RXFP1: variants seen among roughly 807,000 people sequenced by gnomAD.
The protein encoded by RXFP1 is relaxin receptor 1.
RXFP1 carries 73 observed loss-of-function variants against 89.8 expected under a neutral mutation model. That is an observed-to-expected ratio of 0.81 (90% CI 0.67 to 0.99). The LOEUF (loss-of-function observed/expected upper bound fraction) is 0.99. Among genes scored for constraint, RXFP1 ranks in the 50% least tolerant of loss-of-function variants. RXFP1 has a pLI of 0.00. For synonymous variants in RXFP1, 277 were observed against 305.5 expected (o/e 0.91, Z 0.97); for missense variants, 793 against 895.5 (o/e 0.89, Z 1.46).
At chr4:158,545,486 GC>G (rs1331531354) in intron 1 of RXFP1, among the ~76,000 whole-genome samples, 1 of 152,080 alleles carries the variant, frequency 6.6e-6, no homozygotes, top group Non-Finnish European at 1.5e-5. Context: ...GTCTTTTGTT[GC>G]CATTGTTTTT....
intron 15 of RXFP1, 79 bp downstream of exon 15, chr4:158,645,217 G>A (rs1771279952): frequency 1.9e-6 from 2 of 1,071,112 alleles, no homozygotes; most frequent in Non-Finnish European, 2.8e-6. Context: ...AGTTGTGTGA[G>A]TGGTAGAATT....
chr4:158,604,462 GA>G (rs1292105878), intron 4 of RXFP1, among the ~76,000 whole-genome samples: 1 of 152,048 alleles, frequency 6.6e-6, no homozygotes, highest in Non-Finnish European at 1.5e-5. Flanking sequence ...AAAAATTAAG[GA>G]CTTGGGACCT....
chr4:158,583,133 C>T (rs912526239), intron 2 of RXFP1, among the ~76,000 whole-genome samples: 4 of 152,194 alleles, frequency 2.6e-5, no homozygotes, highest in Non-Finnish European at 4.4e-5. Context: ...ACTGGCTTGG[C>T]ACTTACTAAT....
At chr4:158,545,684 C>T (rs1301602244) in intron 1 of RXFP1, among the ~76,000 whole-genome samples, 1 of 152,140 alleles carries the variant, frequency 6.6e-6, no homozygotes, top group Non-Finnish European at 1.5e-5. Context: ...CCAGTTTTCC[C>T]AGCACCATTT....
intron 16 of RXFP1, among the ~76,000 whole-genome samples, 174 bp downstream of exon 16, chr4:158,647,375 C>G (rs963431964): frequency 6.6e-6 from 1 of 152,174 alleles, no homozygotes; most frequent in Non-Finnish European, 1.5e-5. Flanking sequence ...ACACTAAACA[C>G]CTGTATTTCA....
At chr4:158,621,490 G>T (rs369265699) in intron 9 of RXFP1, among the ~76,000 whole-genome samples, 31 of 152,180 alleles carry the variant, frequency 2.0e-4, no homozygotes, top group Admixed American at 8.5e-4. Flanking sequence ...AAAGAAAGAA[G>T]GTATAGTGCA....
chr4:158,555,676 C>A (rs1579576258), intron 1 of RXFP1, among the ~76,000 whole-genome samples: 4 of 152,184 alleles, frequency 2.6e-5, no homozygotes, highest in Admixed American at 2.6e-4. Flanking sequence ...CCACTCAATA[C>A]TTGTGTCTCA....
chr4:158,615,009 TTTG>T, intron 8 of RXFP1, among the ~76,000 whole-genome samples: 2 of 152,292 alleles, frequency 1.3e-5, no homozygotes, highest in South Asian at 4.1e-4. Context: ...TCATTCAGAC[TTTG>T]TTGTTCCATT....
At chr4:158,637,532 C>T (rs1302446809) in intron 12 of RXFP1, among the ~76,000 whole-genome samples, 3 of 152,060 alleles carry the variant, frequency 2.0e-5, no homozygotes, top group Non-Finnish European at 4.4e-5. Context: ...ATTTATATGT[C>T]TTCTTTTGAA....
chr4:158,627,550 T>TGTG (rs1767138727), intron 10 of RXFP1, among the ~76,000 whole-genome samples: 1 of 139,540 alleles, frequency 7.2e-6, no homozygotes, highest in African/African-American at 2.6e-5. Flanking sequence ...TGTGTGTGTG[T>TGTG]TTTATGATCC....
At chr4:158,572,901 A>T in intron 2 of RXFP1, 66 bp downstream of exon 2, 1 of 1,571,192 alleles carries the variant, frequency 6.4e-7, no homozygotes, top group Non-Finnish European at 8.7e-7. Flanking sequence ...GAAGTCGCTG[A>T]GACTTCTCTC....
intron 1 of RXFP1, among the ~76,000 whole-genome samples, chr4:158,567,772 G>A (rs1753932441): frequency 6.6e-6 from 1 of 152,146 alleles, no homozygotes; most frequent in Non-Finnish European, 1.5e-5. Context: ...AGACCAATCA[G>A]CTCTCTGTAA....
intron 1 of RXFP1, among the ~76,000 whole-genome samples, chr4:158,563,817 C>T (rs1156648574): frequency 6.7e-6 from 1 of 149,730 alleles, no homozygotes; most frequent in African/African-American, 2.4e-5. Context: ...CACCTAGTGA[C>T]ATTGTAGCCA....
chr4:158,542,109 A>ATATATACATATATATATTTTTT, intron 1 of RXFP1, among the ~76,000 whole-genome samples: 1 of 35,254 alleles, frequency 2.8e-5, no homozygotes, highest in Admixed American at 5.6e-4. Flanking sequence ...ATATATATAT[A>ATATATACATATATATATTTTTT]TTTTTTTTTT....
At position 158,652,246 on chromosome 4, in the gene RXFP1, A is replaced by G; in HGVS notation, c.*191A>G. 9.9e-6 allele frequency: 5 copies of G among 503,594 alleles called. No homozygotes were observed. Among genetic ancestry groups the G allele is most frequent in the Non-Finnish European group, 1.7e-5 (5 of 289,716 alleles). 31.2% of individuals were successfully genotyped at this position (503,594 alleles called of 1,614,324 possible). A position where few individuals can be genotyped will look rare whatever the true frequency, so the allele number is the denominator to read the frequency against. On this transcript the variant is annotated 3_prime_UTR_variant, in exon 18 of 18. Coordinates refer to ENST00000307765, the MANE Select transcript of RXFP1 (RefSeq NM_021634.4). The stretch of plus-strand genomic sequence containing the variant: ...AAGTAATTATATCAATAATGTATAT[A>G]TATTAGTAGACATTTTGCATAAGAA...
chr4:158,613,685 T>C (rs1430504120), intron 8 of RXFP1, among the ~76,000 whole-genome samples: 2 of 152,220 alleles, frequency 1.3e-5, no homozygotes, highest in Non-Finnish European at 2.9e-5. Flanking sequence ...TCCACTGAAG[T>C]CTTGAACCCT....
intron 9 of RXFP1, among the ~76,000 whole-genome samples, chr4:158,626,111 TATAGATAGATAGATAGATAGATAG>T (rs71587463): frequency 2.9e-4 from 39 of 136,684 alleles, no homozygotes; most frequent in South Asian, 1.2e-3. Context: ...TAGATATCTA[TATAGATAGATAGATAGATAGATAG>T]ATAGATAGAT....
chr4:158,615,996 T>G (rs982177230), intron 8 of RXFP1, among the ~76,000 whole-genome samples: 10 of 152,152 alleles, frequency 6.6e-5, no homozygotes, highest in Non-Finnish European at 1.3e-4. Context: ...TACCAAAATA[T>G]GACACAGACA....
chr4:158,629,618 T>C (rs1767628049), intron 11 of RXFP1, among the ~76,000 whole-genome samples: 1 of 152,022 alleles, frequency 6.6e-6, no homozygotes, highest in Non-Finnish European at 1.5e-5. Context: ...ATTTTTTTCT[T>C]TTCATTTTTT....
Sources: allele counts gnomAD v4.1 joint callset (sites outside exome capture counted in the v4.1 genomes callset), GRCh38; gene constraint gnomAD v4.1.1; transcripts MANE v1.5; gene names NCBI Gene and HGNC (gene_info 2026-07-23, HGNC 2026-07-21).